The following AMPH variants were observed in gnomAD, a reference collection of about 807,000 sequenced individuals.
AMPH encodes amphiphysin, also known as amphiphysin (Stiff-Mann syndrome with breast cancer 128kD autoantigen).
A neutral mutation model predicts 99.1 loss-of-function variants in AMPH; 49 were observed. The ratio of observed to expected loss-of-function variants is 0.49; its 90% CI spans 0.39 to 0.63. The LOEUF (loss-of-function observed/expected upper bound fraction) is 0.63. Among genes scored for constraint, AMPH ranks in the 20% least tolerant of loss-of-function variants. The pLI is 0.00. For synonymous variants in AMPH, 314 were observed against 317.3 expected, an observed-to-expected ratio of 0.99 and a Z score of 0.11; for missense variants, 759 against 863.4, an observed-to-expected ratio of 0.88 and a Z score of 1.52.
intron 7 of AMPH, among the ~76,000 whole-genome samples, chr7:38,466,461 C>G (rs1787657027): frequency 6.6e-6 from 1 of 151,844 alleles, no homozygotes; most frequent in Non-Finnish European, 1.5e-5. Flanking sequence ...TAGAGCATGA[C>G]CTCTCCTAAA....
At chr7:38,449,552 G>A (rs1786924927) in intron 11 of AMPH, among the ~76,000 whole-genome samples, 2 of 152,190 alleles carry the variant, frequency 1.3e-5, no homozygotes, top group African/African-American at 4.8e-5. Flanking sequence ...GAAGCCTAAT[G>A]ACCCAATGAT....
chr7:38,390,348 T>C (rs117914020), intron 19 of AMPH, among the ~76,000 whole-genome samples: 4,172 of 152,292 alleles, frequency 0.027, 83 homozygotes, highest in Middle Eastern at 0.061. Flanking sequence ...TGTGTAAATA[T>C]ATTTCCTTCC....
intron 12 of AMPH, among the ~76,000 whole-genome samples, chr7:38,436,026 T>C (rs1036694310): frequency 2.6e-5 from 4 of 152,160 alleles, no homozygotes; most frequent in African/African-American, 4.8e-5. Context: ...ACAATTACTC[T>C]GGGGGAGAAA....
chr7:38,574,541 C>G (rs962919197), intron 1 of AMPH, among the ~76,000 whole-genome samples: 1 of 152,312 alleles, frequency 6.6e-6, no homozygotes, highest in South Asian at 2.1e-4. Context: ...GCTGTTCACA[C>G]AGCCTCTGCC....
chr7:38,462,850 C>T, intron 10 of AMPH, 125 bp downstream of exon 10: 1 of 1,069,428 alleles, frequency 9.4e-7, no homozygotes, highest in African/African-American at 1.6e-5. Context: ...TGCCTAAAGC[C>T]TCACATCTCA....
chr7:38,456,683 A>G (rs1483774934), intron 11 of AMPH, among the ~76,000 whole-genome samples: 2 of 152,186 alleles, frequency 1.3e-5, no homozygotes, highest in African/African-American at 4.8e-5. Flanking sequence ...CGCTACTGAC[A>G]TCACCCACAT....
At chr7:38,541,619 G>T (rs1338141960) in intron 1 of AMPH, among the ~76,000 whole-genome samples, 1 of 152,194 alleles carries the variant, frequency 6.6e-6, no homozygotes, top group Non-Finnish European at 1.5e-5. Context: ...GCTGGCATGA[G>T]CCTTCCTGCC....
chr7:38,396,084 A>T (rs1472780898), intron 17 of AMPH, among the ~76,000 whole-genome samples: 1 of 152,198 alleles, frequency 6.6e-6, no homozygotes, highest in African/African-American at 2.4e-5. Context: ...TATTACGAGG[A>T]TGTGGCTCTC....
At chr7:38,525,303 GAGAGAGAGA>G (rs1790137467) in intron 2 of AMPH, among the ~76,000 whole-genome samples, 2 of 147,044 alleles carry the variant, frequency 1.4e-5, no homozygotes, top group Admixed American at 1.4e-4. Flanking sequence ...GAGAGAGAGA[GAGAGAGAGA>G]GGGAGCCTTT....
intron 20 of AMPH, among the ~76,000 whole-genome samples, chr7:38,385,165 G>T (rs1200683040): frequency 1.3e-5 from 2 of 152,008 alleles, no homozygotes; most frequent in African/African-American, 2.4e-5. Context: ...ACTGTATAAA[G>T]TATAGCTAAT....
chr7:38,428,249 C>T, intron 14 of AMPH: 1 of 456,734 alleles, frequency 2.2e-6, no homozygotes, highest in Non-Finnish European at 4.4e-6. Flanking sequence ...CCAAGCTTGG[C>T]TGCCAGATTT....
chr7:38,560,790 T>C (rs958041983), intron 1 of AMPH, among the ~76,000 whole-genome samples: 3 of 152,200 alleles, frequency 2.0e-5, no homozygotes, highest in Non-Finnish European at 2.9e-5. Flanking sequence ...CACAATCACC[T>C]GGGTAGCTTC....
intron 20 of AMPH, among the ~76,000 whole-genome samples, chr7:38,388,259 C>T (rs1054892454): frequency 1.3e-5 from 2 of 151,974 alleles, no homozygotes; most frequent in Non-Finnish European, 2.9e-5. Flanking sequence ...CTGGTTAATG[C>T]AGACAAAAAT....
intron 1 of AMPH, among the ~76,000 whole-genome samples, chr7:38,549,319 ATAGGTACATAAGAGAC>A (rs1237046965): frequency 6.6e-6 from 1 of 152,226 alleles, no homozygotes; most frequent in African/African-American, 2.4e-5. Flanking sequence ...AACCAATTTC[ATAGGTACATAAGAGAC>A]AAGGTACATA....
At position 38,610,306 on chromosome 7, in the gene AMPH, GAAAAGAAAAGAAAAGAAAAGA is replaced by G. The variant is rs1562860303; in HGVS notation, c.69+20956_69+20976del. On this transcript the variant is annotated intron_variant, in intron 1 of 20. Coordinates refer to ENST00000356264, the MANE Select transcript of AMPH (RefSeq NM_001635.4). The stretch of plus-strand genomic sequence containing the variant: ...AAAGAAAGAAAGAAAGAAAAGAAAA[GAAAAGAAAAGAAAAGAAAAGA>G]AAAGAAAAAAGAAAAGAAAAGAAAA... Among the ~76,000 whole-genome samples, 88 of 24,214 alleles carry G rather than the reference GAAAAGAAAAGAAAAGAAAAGA, an allele frequency of 3.6e-3. 8 individuals are homozygous for G. The highest frequency in any genetic ancestry group is 0.018 in the African/African-American group (81 of 4,620). 15.9% of individuals were successfully genotyped at this position (24,214 alleles called of 152,430 possible).
chr7:38,628,985 G>A (rs905547809), intron 1 of AMPH, among the ~76,000 whole-genome samples: 2 of 152,238 alleles, frequency 1.3e-5, no homozygotes, highest in South Asian at 2.1e-4. Flanking sequence ...TCAAGGGAGT[G>A]GACTCTCTTT....
intron 14 of AMPH, chr7:38,427,960 T>C: frequency 2.2e-6 from 1 of 456,772 alleles, no homozygotes; most frequent in Non-Finnish European, 4.4e-6. Flanking sequence ...CTCTCAGTGC[T>C]AGCATTCCAG....
rs3807414 is a variant in AMPH, at chr7:38,497,151, G to A, written c.206-2624C>T. ...ACTTTGATGGATACACAGGTGAAAG[G>A]CTTCAAGCCTAGCTCCAGACTGGCA... On this transcript the variant is annotated intron_variant, in intron 3 of 20. Transcript: ENST00000356264. Among the ~76,000 whole-genome samples, 82 of 152,188 alleles carry A rather than the reference G, an allele frequency of 5.4e-4. 1 individual carries two copies. The East Asian group carries it at 0.015, about 29-fold the overall frequency.
At chr7:38,597,270 G>A (rs1375878155) in intron 1 of AMPH, among the ~76,000 whole-genome samples, 2 of 152,006 alleles carry the variant, frequency 1.3e-5, no homozygotes, top group African/African-American at 4.8e-5. Flanking sequence ...ATATATGATT[G>A]TATTTCCATT....
Sources: gnomAD v4.1 joint callset for allele counts (sites outside exome capture counted in the v4.1 genomes callset) on GRCh38, gnomAD v4.1.1 for gene constraint, MANE v1.5 for transcripts, NCBI Gene and HGNC (gene_info 2026-07-23, HGNC 2026-07-21) for gene names.